The following KANK1 variants were observed in gnomAD, a reference collection of about 807,000 sequenced individuals.
The protein encoded by KANK1 is KN motif and ankyrin repeat domains 1, also known as KN motif and ankyrin repeat domain-containing protein 1.
A neutral mutation model predicts 106.2 loss-of-function variants in KANK1; 109 were observed. The ratio of observed to expected loss-of-function variants is 1.03; its 90% confidence interval spans 0.88 to 1.20. KANK1 has a LOEUF of 1.20. KANK1 is among the 50% of genes most tolerant of loss of function. The pLI, the probability that KANK1 is intolerant of heterozygous loss-of-function variation, is 0.00. For missense variants in KANK1, 2,399 were observed against 1,710.7 expected (o/e 1.40, Z -7.10); for synonymous variants, 873 against 652.2 (o/e 1.34, Z -5.16).
intron 3 of KANK1, among the ~76,000 whole-genome samples, chr9:722,356 GCTCT>G (rs1011972725): frequency 1.3e-5 from 2 of 150,780 alleles, no homozygotes; most frequent in Non-Finnish European, 3.0e-5. Context: ...TGCCTCTCTT[GCTCT>G]CTCTCTCTCA....
chr9:591,939 G>T lies in KANK1; in HGVS notation c.-83-84951G>T, dbSNP rs186603504. On this transcript the variant is annotated intron_variant, in intron 1 of 11. Transcript: ENST00000382297. ...CTCTGAAAATGCTGGGATTACAGGA[G>T]TGAGCCACTGTGCCCAGCCACAATT... Among the ~76,000 whole-genome samples, 65 of 151,848 alleles carry T rather than the reference G, an allele frequency of 4.3e-4. 1 individual carries two copies. The highest frequency in any genetic ancestry group is 3.3e-3 in the Admixed American group (50 of 15,274).
chr9:740,753 G>A lies in KANK1; in HGVS notation c.3554-39G>A, dbSNP rs762084849. On this transcript the variant is annotated intron_variant, in intron 8 of 11. Transcript: ENST00000382297. ...TCGTAAGCGGCTGCTATTAGAAGGG[G>A]CTGCTTCCTAAGAGACTTTTTTTTT... is the stretch of plus-strand genomic sequence containing the variant. The A allele has an allele frequency of 1.2e-5, 19 of 1,592,498 alleles. No homozygotes were observed. The South Asian group carries it at 2.0e-4, about 17-fold the overall frequency.
intron 1 of KANK1, among the ~76,000 whole-genome samples, chr9:566,002 C>T (rs1312339458): frequency 6.6e-6 from 1 of 152,162 alleles, no homozygotes; most frequent in Non-Finnish European, 1.5e-5. Context: ...TTTCTTCACC[C>T]TCTGCTTCCT....
chr9:693,214 A>G (rs1330427279), intron 2 of KANK1, among the ~76,000 whole-genome samples: 1 of 152,156 alleles, frequency 6.6e-6, no homozygotes, highest in Non-Finnish European at 1.5e-5. Context: ...ATGTTGCATT[A>G]AATAAGAAGA....
In KANK1 at chr9:586,903, C is replaced by T. The variant is rs781097028; in HGVS notation, c.-84+82149C>T. Among the ~76,000 whole-genome samples the T allele has an allele frequency of 4.6e-5, 7 of 152,182 alleles. No homozygotes were observed. The East Asian group carries it at 1.3e-3, about 29-fold the overall frequency. ...AAGTGGCTTAACTGTACTTTGATTT[C>T]CAAAATGCGTAGCAGTCTCTAGTAT... On this transcript the variant is annotated intron_variant, in intron 1 of 11. Coordinates refer to ENST00000382297, the MANE Select transcript of KANK1 (RefSeq NM_015158.5).
rs1323258 is a variant in KANK1, at chr9:713,768, T to A, written c.2698+304T>A. Among the ~76,000 whole-genome samples, 14,753 of 152,082 alleles carry A rather than the reference T, an allele frequency of 0.097. 986 individuals are homozygous for A. The highest frequency in any genetic ancestry group is 0.35 in the East Asian group (1,798 of 5,170). ...TAGTTTGGTAAGATGCTTTATTCTT[T>A]GTCTTTCAGTTATTTACTTGCTCAT... On this transcript the variant is annotated intron_variant, in intron 3 of 11. Coordinates refer to ENST00000382297, the MANE Select transcript of KANK1 (RefSeq NM_015158.5).
intron 3 of KANK1, among the ~76,000 whole-genome samples, chr9:485,882 A>AG (rs906914040): frequency 6.6e-6 from 1 of 150,950 alleles, no homozygotes; most frequent in African/African-American, 2.4e-5. Context: ...AAAAAAAAAA[A>AG]AAAAGAAAAG....
chr9:537,838 G>A (rs2060384594), intron 1 of KANK1, among the ~76,000 whole-genome samples: 1 of 152,206 alleles, frequency 6.6e-6, no homozygotes, highest in Non-Finnish European at 1.5e-5. Flanking sequence ...CAGTAGTGCT[G>A]AGGTGGAGAA....
chr9:583,839 A>G (rs1005408895), intron 1 of KANK1, among the ~76,000 whole-genome samples: 2 of 152,110 alleles, frequency 1.3e-5, no homozygotes, highest in Non-Finnish European at 2.9e-5. Context: ...AACATGAACA[A>G]GAGTGTAAAA....
intron 1 of KANK1, among the ~76,000 whole-genome samples, chr9:583,243 C>G (rs963419156): frequency 1.3e-5 from 2 of 152,094 alleles, no homozygotes; most frequent in Non-Finnish European, 2.9e-5. Flanking sequence ...TAAAATCTAA[C>G]TATCACTTTA....
At chr9:667,159 C>T (rs566516754) in intron 1 of KANK1, among the ~76,000 whole-genome samples, 256 of 151,798 alleles carry the variant, frequency 1.7e-3, no homozygotes, top group African/African-American at 6.0e-3. Context: ...TCTCTTTCTT[C>T]GTGGTTCAAT....
intron 1 of KANK1, among the ~76,000 whole-genome samples, chr9:666,879 A>G (rs1027465330): frequency 6.8e-4 from 96 of 141,612 alleles, no homozygotes; most frequent in Middle Eastern, 3.8e-3. Flanking sequence ...TGTGTTCATC[A>G]GTGAAATTAG....
intron 1 of KANK1, among the ~76,000 whole-genome samples, chr9:627,927 C>A (rs1343584360): frequency 1.3e-5 from 2 of 151,146 alleles, no homozygotes; most frequent in Admixed American, 6.6e-5. Flanking sequence ...TTATATACAG[C>A]CCCCGCTAAG....
At chr9:622,889 G>A (rs957049488) in intron 1 of KANK1, among the ~76,000 whole-genome samples, 3 of 152,010 alleles carry the variant, frequency 2.0e-5, no homozygotes, top group African/African-American at 4.8e-5. Context: ...GTGACAGACC[G>A]AGACTCCATC....
intron 3 of KANK1, among the ~76,000 whole-genome samples, chr9:477,069 CA>C (rs2058117609): frequency 6.6e-6 from 1 of 152,166 alleles, no homozygotes; most frequent in Non-Finnish European, 1.5e-5. Context: ...AGCCAATAAA[CA>C]ATCGTTACTT....
At chr9:714,787 A>G (rs1827240681) in intron 3 of KANK1, among the ~76,000 whole-genome samples, 1 of 152,140 alleles carries the variant, frequency 6.6e-6, no homozygotes, top group Non-Finnish European at 1.5e-5. Context: ...GCTTACAGTA[A>G]TTCCCTGTGA....
intron 1 of KANK1, among the ~76,000 whole-genome samples, chr9:657,240 G>A (rs1842350759): frequency 1.3e-5 from 2 of 152,260 alleles, no homozygotes; most frequent in African/African-American, 4.8e-5. Context: ...TCCATTGTAT[G>A]CATATACCAC....
At chr9:517,688 C>A (rs77778767) in intron 1 of KANK1, among the ~76,000 whole-genome samples, 1 of 150,220 alleles carries the variant, frequency 6.7e-6, no homozygotes, top group Non-Finnish European at 1.5e-5. Flanking sequence ...AAGGGTGTGC[C>A]GGTGGGTCAC....
intron 3 of KANK1, among the ~76,000 whole-genome samples, chr9:491,721 T>C (rs2058380241): frequency 6.6e-6 from 1 of 152,210 alleles, no homozygotes; most frequent in Non-Finnish European, 1.5e-5. Context: ...GGTTTGGCTG[T>C]GTCCCCACCC....
Sources: allele counts gnomAD v4.1 joint callset (sites outside exome capture counted in the v4.1 genomes callset), GRCh38; gene constraint gnomAD v4.1.1; transcripts MANE v1.5; gene names NCBI Gene and HGNC (gene_info 2026-07-23, HGNC 2026-07-21).